FSHR: variants seen among roughly 807,000 people sequenced by gnomAD.
FSHR encodes follicle stimulating hormone receptor.
A neutral mutation model predicts 52.1 loss-of-function variants in FSHR; 46 were observed. The ratio of observed to expected loss-of-function variants is 0.88; its 90% CI spans 0.70 to 1.13. The LOEUF (loss-of-function observed/expected upper bound fraction) is 1.13, where lower values mean the gene tolerates loss of function less well. FSHR is among the 50% of genes most tolerant of loss of function. FSHR has a pLI of 0.00. For synonymous variants in FSHR, 399 were observed against 309.6 expected (o/e 1.29, Z -3.03); for missense variants, 964 against 834.6 (o/e 1.16, Z -1.91).
intron 1 of FSHR, among the ~76,000 whole-genome samples, chr2:49,118,620 C>G (rs552692732): frequency 3.3e-5 from 5 of 152,248 alleles, no homozygotes; most frequent in African/African-American, 9.6e-5. Flanking sequence ...ACCCTGAAAA[C>G]CAGGATGTGG....
intron 2 of FSHR, among the ~76,000 whole-genome samples, chr2:49,044,262 G>C (rs1397796501): frequency 6.6e-6 from 1 of 152,082 alleles, no homozygotes; most frequent in Non-Finnish European, 1.5e-5. Flanking sequence ...AACAGCTGGG[G>C]GAAACTCACA....
intron 4 of FSHR, among the ~76,000 whole-genome samples, chr2:48,999,233 G>A (rs927189320): frequency 6.6e-5 from 10 of 151,520 alleles, no homozygotes; most frequent in Non-Finnish European, 1.5e-5. Flanking sequence ...ACCAGGTACC[G>A]CACCAAGCAC....
chr2:48,972,365 A>G (rs1343713172), intron 8 of FSHR, among the ~76,000 whole-genome samples: 2 of 152,174 alleles, frequency 1.3e-5, no homozygotes, highest in East Asian at 1.9e-4. Flanking sequence ...CTCCCTCCCT[A>G]TTATGATTCT....
chr2:48,999,308 A>AT (rs1676156458), intron 4 of FSHR, among the ~76,000 whole-genome samples: 1 of 152,078 alleles, frequency 6.6e-6, no homozygotes, highest in Non-Finnish European at 1.5e-5. Flanking sequence ...TACCATCCTC[A>AT]TATTAGAGTT....
intron 8 of FSHR, among the ~76,000 whole-genome samples, chr2:48,980,090 A>G (rs1326681539): frequency 1.3e-5 from 2 of 152,172 alleles, no homozygotes; most frequent in Admixed American, 1.3e-4. Flanking sequence ...AGGCTTGAAG[A>G]ACATCTATGG....
intron 8 of FSHR, among the ~76,000 whole-genome samples, chr2:48,973,407 C>T (rs1433167340): frequency 3.9e-5 from 6 of 152,194 alleles, no homozygotes; most frequent in African/African-American, 1.2e-4. Flanking sequence ...TTGCATGGAT[C>T]AGGGCCAGCC....
intron 4 of FSHR, among the ~76,000 whole-genome samples, chr2:48,995,001 A>G (rs984026901): frequency 3.3e-5 from 5 of 152,178 alleles, no homozygotes; most frequent in African/African-American, 4.8e-5. Flanking sequence ...CTATTCTGCC[A>G]TAGGATAATA....
At chr2:49,010,896 G>A (rs925281266) in intron 4 of FSHR, among the ~76,000 whole-genome samples, 3 of 152,014 alleles carry the variant, frequency 2.0e-5, no homozygotes, top group Non-Finnish European at 4.4e-5. Flanking sequence ...ATTTTTTATT[G>A]CATCTATTGG....
Position 48,962,976 on chromosome 2 carries a change from G to A in FSHR, c.1845C>T (p.His615=), listed in dbSNP as rs950054628. 2 of 1,614,170 alleles carry A rather than the reference G, an allele frequency of 1.2e-6. No homozygotes were observed. Among genetic ancestry groups the A allele is most frequent in the Non-Finnish European group, 1.7e-6 (2 of 1,180,016 alleles). ...AGGGGTTGGCACAGGAGTTGATGGGGTGAAACAGAACCAGCAGAATCTTTG... is the reference window on the plus strand; with the variant it reads ...AGGGGTTGGCACAGGAGTTGATGGGATGAAACAGAACCAGCAGAATCTTTG... ...SKAKILLVLF[H]PINSCANPFL... is the part of the protein sequence containing the mutation. The change falls in exon 10 of 10, where the codon CAC becomes CAT. Residue 615 remains histidine, a synonymous_variant. Transcript: ENST00000406846.
chr2:49,058,339 G>C (rs139739452), intron 2 of FSHR, among the ~76,000 whole-genome samples: 8,462 of 152,180 alleles, frequency 0.056, 286 homozygotes, highest in Middle Eastern at 0.068. Flanking sequence ...ACGAGGTCAG[G>C]AGATTGAGAA....
chr2:49,014,892 C>G (rs1667424501), intron 4 of FSHR: 3 of 469,862 alleles, frequency 6.4e-6, no homozygotes, highest in South Asian at 4.7e-5. Context: ...TCACTGAAGG[C>G]TCTATGATCC....
intron 4 of FSHR, among the ~76,000 whole-genome samples, chr2:49,000,985 G>T (rs1377778567): frequency 6.6e-6 from 1 of 152,110 alleles, no homozygotes. Context: ...TATTATTTGT[G>T]TAGCACATAC....
intron 4 of FSHR, among the ~76,000 whole-genome samples, chr2:48,996,654 G>A (rs923165439): frequency 6.6e-6 from 1 of 152,046 alleles, no homozygotes; most frequent in Non-Finnish European, 1.5e-5. Context: ...GATAGACCAT[G>A]CAAAGGACAC....
At chr2:49,077,255 G>A (rs918023446) in intron 1 of FSHR, among the ~76,000 whole-genome samples, 6 of 152,348 alleles carry the variant, frequency 3.9e-5, no homozygotes, top group African/African-American at 1.4e-4. Flanking sequence ...TGACTTTTGT[G>A]TATCTTGACT....
intron 2 of FSHR, among the ~76,000 whole-genome samples, chr2:49,022,845 T>A (rs898418662): frequency 5.3e-5 from 8 of 152,236 alleles, no homozygotes; most frequent in African/African-American, 1.9e-4. Flanking sequence ...CAGAGATGAG[T>A]CTCTCCTTTC....
intron 2 of FSHR, among the ~76,000 whole-genome samples, chr2:49,064,323 G>C (rs1230404187): frequency 8.1e-6 from 1 of 123,668 alleles, no homozygotes; most frequent in African/African-American, 3.2e-5. Context: ...GTGGCCTTTT[G>C]AGAGTGGTTT....
chr2:49,100,864 AG>A (rs1405226378), intron 1 of FSHR, among the ~76,000 whole-genome samples: 1 of 152,200 alleles, frequency 6.6e-6, no homozygotes, highest in Non-Finnish European at 1.5e-5. Context: ...ACCCAAAGGA[AG>A]GGACCAGGGA....
chr2:49,011,697 G>A (rs112042095), intron 4 of FSHR, among the ~76,000 whole-genome samples: 5,725 of 152,064 alleles, frequency 0.038, 308 homozygotes, highest in African/African-American at 0.12. Flanking sequence ...AAGTTAAGCC[G>A]ATTATACAAG....
intron 4 of FSHR, among the ~76,000 whole-genome samples, chr2:49,002,033 G>A (rs941710065): frequency 6.6e-6 from 1 of 152,010 alleles, no homozygotes; most frequent in African/African-American, 2.4e-5. Context: ...TTCTTCCCCA[G>A]TATAATTTCA....
Sources: gnomAD v4.1 joint callset for allele counts (sites outside exome capture counted in the v4.1 genomes callset) on GRCh38, gnomAD v4.1.1 for gene constraint, MANE v1.5 for transcripts, NCBI Gene and HGNC (gene_info 2026-07-23, HGNC 2026-07-21) for gene names.